NLGN4X: variants seen among roughly 807,000 people sequenced by gnomAD.
NLGN4X encodes neuroligin-4, X-linked.
In NLGN4X, 3 loss-of-function variants were observed where a neutral mutation model predicts 40.3. The ratio of observed to expected loss-of-function variants is 0.07; its 90% CI spans 0.03 to 0.19. NLGN4X has a LOEUF of 0.19. NLGN4X is among the 10% of genes least tolerant of loss of function. NLGN4X has a pLI of 1.00. For missense variants in NLGN4X, 382 were observed against 708.3 expected, an observed-to-expected ratio of 0.54 and a Z score of 5.23; for synonymous variants, 270 against 306.8, an observed-to-expected ratio of 0.88 and a Z score of 1.25.
chrX:5,945,785 G>GGGGGTA (rs1448478008), intron 3 of NLGN4X, among the ~76,000 whole-genome samples: 4 of 111,005 alleles, frequency 3.6e-5, no homozygotes, highest in Non-Finnish European at 7.5e-5. Context: ...GGTGAAGGGT[G>GGGGGTA]GGGGTAGGGA....
At chrX:5,932,566 G>A (rs1338390678) in intron 3 of NLGN4X, among the ~76,000 whole-genome samples, 1 of 111,648 alleles carries the variant, frequency 9.0e-6, no homozygotes, top group African/African-American at 3.3e-5. Context: ...TCAAATAGGA[G>A]ATTATAATAA....
chrX:6,193,408 CAAAAAAAA>C (rs60328753), intron 1 of NLGN4X, among the ~76,000 whole-genome samples: 2 of 28,335 alleles, frequency 7.1e-5, no homozygotes, highest in Non-Finnish European at 1.1e-4. Context: ...GACTCCGTCT[CAAAAAAAA>C]AAAAAAAAAA....
At chrX:5,989,904 A>G (rs1428941959) in intron 3 of NLGN4X, among the ~76,000 whole-genome samples, 6 of 111,715 alleles carry the variant, frequency 5.4e-5, no homozygotes, top group Non-Finnish European at 1.1e-4. Flanking sequence ...ATTAACAACA[A>G]TTAAAATAAA....
chrX:6,200,689 T>TTTTTTTTTTCTTTC (rs1432055510), intron 1 of NLGN4X, among the ~76,000 whole-genome samples: 2 of 86,580 alleles, frequency 2.3e-5, no homozygotes, highest in African/African-American at 4.4e-5. Context: ...TTCCTTTTCT[T>TTTTTTTTTTCTTTC]TTTTTTTTTT....
chrX:5,929,551 A>AGT (rs774505670), intron 3 of NLGN4X, among the ~76,000 whole-genome samples: 1 of 112,176 alleles, frequency 8.9e-6, no homozygotes, highest in Non-Finnish European at 1.9e-5. Flanking sequence ...CCTACAATGT[A>AGT]GTGTGTGTAT....
At chrX:5,912,751 C>T (rs1455210160) in intron 3 of NLGN4X, among the ~76,000 whole-genome samples, 1 of 105,366 alleles carries the variant, frequency 9.5e-6, no homozygotes, top group Non-Finnish European at 1.9e-5. Flanking sequence ...TTCATCAGCA[C>T]CTGGCCAGGT....
At chrX:6,011,919 GA>G (rs1316897639) in intron 3 of NLGN4X, among the ~76,000 whole-genome samples, 3 of 106,425 alleles carry the variant, frequency 2.8e-5, no homozygotes, top group Middle Eastern at 9.7e-3. Flanking sequence ...AGTTGAGTTT[GA>G]AAAAAAAAAT....
chrX:6,032,571 A>T, intron 2 of NLGN4X: 2 of 399,068 alleles, frequency 5.0e-6, no homozygotes, highest in South Asian at 7.5e-5. Context: ...AAGGAAGCAC[A>T]CCAAAGTGTA....
At chrX:6,101,958 C>T (rs943081105) in intron 2 of NLGN4X, among the ~76,000 whole-genome samples, 6 of 108,898 alleles carry the variant, frequency 5.5e-5, no homozygotes, top group African/African-American at 6.7e-5. Context: ...TACAGGTGCC[C>T]GCCACCACAC....
At chrX:6,178,937 A>G (rs76953762) in intron 1 of NLGN4X, among the ~76,000 whole-genome samples, 17,030 of 109,896 alleles carry the variant, frequency 0.15, 1,051 homozygotes, top group Middle Eastern at 0.25. Flanking sequence ...CTCTAAAAAA[A>G]CAAATTTTAA....
rs150596206 is a variant in NLGN4X at position 5,958,671 on chromosome X, C to A, written c.626-49432G>T. Among the ~76,000 whole-genome samples, 210 of 112,063 alleles carry A rather than the reference C, an allele frequency of 1.9e-3. 1 individual carries two copies. The highest frequency in any genetic ancestry group is 6.4e-3 in the African/African-American group (198 of 30,877). On this transcript the variant is annotated intron_variant, in intron 3 of 5. Transcript: ENST00000381095. ...CTCCCATTCAAAACTGCCATCTTAT[C>A]CCTTCCCTAAAATATCTCTGCACAT...
At chrX:6,178,392 T>G (rs1921040786) in intron 1 of NLGN4X, among the ~76,000 whole-genome samples, 1 of 111,734 alleles carries the variant, frequency 8.9e-6, no homozygotes, top group Non-Finnish European at 1.9e-5. Flanking sequence ...ATTAATACAT[T>G]GACTTTTCAA....
In NLGN4X at chrX:6,110,543, T is replaced by A. The variant is rs375003154; in HGVS notation, c.472+40452A>T. 1.5e-4 allele frequency among the ~76,000 whole-genome samples: 17 copies of A among 112,048 alleles called. No individual in the cohort carries two copies. In the East Asian group the frequency reaches 2.5e-3, roughly 17 times the overall value. ...AGGCAGCCTTCATGCTGGAAATGCA[T>A]TTAATTATAAATTATTAATGGAACG... On this transcript the variant is annotated intron_variant, in intron 2 of 5. Transcript: ENST00000381095.
chrX:6,095,444 A>G (rs779555408), intron 2 of NLGN4X, among the ~76,000 whole-genome samples: 2 of 111,996 alleles, frequency 1.8e-5, no homozygotes, highest in African/African-American at 6.5e-5. Flanking sequence ...CACAATATCT[A>G]TTGATTAATA....
chrX:6,043,490 C>T (rs188704515), intron 2 of NLGN4X, among the ~76,000 whole-genome samples: 9 of 111,362 alleles, frequency 8.1e-5, no homozygotes, highest in Non-Finnish European at 1.7e-4. Flanking sequence ...TACTTTTCTC[C>T]GTAGTCAGGA....
chrX:6,049,118 A>G (rs1025164564), intron 2 of NLGN4X, among the ~76,000 whole-genome samples: 3 of 99,419 alleles, frequency 3.0e-5, no homozygotes, highest in Admixed American at 1.1e-4. Flanking sequence ...TGTGAGTGAT[A>G]ATTCAAAAAT....
intron 1 of NLGN4X, among the ~76,000 whole-genome samples, chrX:6,217,857 G>A (rs6639608): frequency 0.2 from 22,326 of 110,471 alleles, 2,604 homozygotes; most frequent in African/African-American, 0.45. Context: ...TTCCTACTGG[G>A]TTACATTTTA....
intron 3 of NLGN4X, among the ~76,000 whole-genome samples, chrX:5,957,567 C>T (rs1406248988): frequency 8.9e-6 from 1 of 112,188 alleles, no homozygotes; most frequent in Non-Finnish European, 1.9e-5. Flanking sequence ...AGCCATTGGT[C>T]ACCCTCTGCC....
chrX:6,100,542 A>G (rs2038883950), intron 2 of NLGN4X, among the ~76,000 whole-genome samples: 1 of 112,295 alleles, frequency 8.9e-6, no homozygotes, highest in Non-Finnish European at 1.9e-5. Context: ...AGCTGCAGGT[A>G]GAGTCCAGTG....
Sources: allele counts gnomAD v4.1 joint callset (sites outside exome capture counted in the v4.1 genomes callset), GRCh38; gene constraint gnomAD v4.1.1; transcripts MANE v1.5; gene names NCBI Gene and HGNC (gene_info 2026-07-23, HGNC 2026-07-21).